Variants in CSMD1 observed in about 807,000 individuals in gnomAD.
The protein encoded by CSMD1 is CUB and sushi domain-containing protein 1.
Under a neutral mutation model 417.5 loss-of-function variants are expected in CSMD1, and 213 were observed. The observed-to-expected ratio is 0.51, with a 90% confidence interval of 0.46 to 0.57. The LOEUF (loss-of-function observed/expected upper bound fraction) is 0.57. Ranked by LOEUF, CSMD1 falls within the 20% of genes least tolerant of loss-of-function variation. The probability of loss-of-function intolerance (pLI) is 0.00; values close to 1 mark genes in which losing one functional copy is unlikely to be tolerated. For missense variants in CSMD1, 6,923 were observed against 4,529.7 expected, an observed-to-expected ratio of 1.53 and a Z score of -15.17; for synonymous variants, 2,862 against 1,736.8, an observed-to-expected ratio of 1.65 and a Z score of -16.11.
At chr8:3,797,975 C>A (rs550221982) in intron 5 of CSMD1, among the ~76,000 whole-genome samples, 3 of 151,892 alleles carry the variant, frequency 2.0e-5, no homozygotes, top group African/African-American at 7.2e-5. Context: ...CATCTCATTG[C>A]GGTTTCAACG....
At chr8:4,089,800 G>C (rs538625754) in intron 3 of CSMD1, among the ~76,000 whole-genome samples, 1 of 152,172 alleles carries the variant, frequency 6.6e-6, no homozygotes, top group African/African-American at 2.4e-5. Flanking sequence ...TCAGTCTACC[G>C]AGTGTGTTTG....
In CSMD1 at chr8:4,377,180, T is replaced by C. The variant is rs562607790; in HGVS notation, c.415+42773A>G. Among the ~76,000 whole-genome samples, 81 of 152,298 alleles carry C rather than the reference T, an allele frequency of 5.3e-4. 1 individual carries two copies. The highest frequency in any genetic ancestry group is 5.2e-3 in the South Asian group (25 of 4,818). ...AACAGTGGGATTATAGTGCATGGAA[T>C]TGATTACACATCTTTTGGAAGGGCT... is the stretch of plus-strand genomic sequence containing the variant. On this transcript the variant is annotated intron_variant, in intron 3 of 69. Coordinates refer to ENST00000635120, the MANE Select transcript of CSMD1 (RefSeq NM_033225.6).
intron 1 of CSMD1, among the ~76,000 whole-genome samples, chr8:4,807,252 G>A (rs1329942897): frequency 1.3e-5 from 2 of 152,136 alleles, no homozygotes; most frequent in Non-Finnish European, 1.5e-5. Flanking sequence ...CCCACAGAAA[G>A]CAAACCTTAT....
intron 17 of CSMD1, among the ~76,000 whole-genome samples, chr8:3,389,613 G>C (rs1253940193): frequency 4.0e-5 from 2 of 49,888 alleles, no homozygotes; most frequent in Non-Finnish European, 7.9e-5. Context: ...GATTATCTTA[G>C]AATAAGTGAG....
chr8:3,552,888 C>A (rs888582337), intron 10 of CSMD1, among the ~76,000 whole-genome samples: 1 of 151,980 alleles, frequency 6.6e-6, no homozygotes, highest in Non-Finnish European at 1.5e-5. Context: ...AAAGTAAATT[C>A]TTCCACTTTC....
chr8:4,687,855 AC>A (rs1806492018), intron 1 of CSMD1, among the ~76,000 whole-genome samples: 3 of 151,920 alleles, frequency 2.0e-5, no homozygotes, highest in Admixed American at 6.6e-5. Flanking sequence ...ACACACACAC[AC>A]ACACACTCAT....
At chr8:3,606,787 C>A (rs868685964) in intron 8 of CSMD1, among the ~76,000 whole-genome samples, 1 of 151,432 alleles carries the variant, frequency 6.6e-6, no homozygotes, top group Admixed American at 6.6e-5. Flanking sequence ...CTCCACTCAG[C>A]GCAACCTCCA....
At chr8:3,989,356 T>A (rs1814573123) in intron 5 of CSMD1, among the ~76,000 whole-genome samples, 1 of 152,300 alleles carries the variant, frequency 6.6e-6, no homozygotes, top group East Asian at 1.9e-4. Flanking sequence ...GCAACTATGC[T>A]TTTATGGCCT....
chr8:3,889,675 G>C (rs570134396), intron 5 of CSMD1, among the ~76,000 whole-genome samples: 45 of 151,446 alleles, frequency 3.0e-4, no homozygotes, highest in African/African-American at 1.1e-3. Context: ...CTGTCTATCT[G>C]CAAAATGAAA....
chr8:3,696,651 C>T (rs114211671), intron 7 of CSMD1, among the ~76,000 whole-genome samples: 24 of 152,240 alleles, frequency 1.6e-4, no homozygotes, highest in African/African-American at 5.5e-4. Flanking sequence ...CCCTGATGCA[C>T]ATTAAAGCTC....
intron 3 of CSMD1, among the ~76,000 whole-genome samples, chr8:4,252,551 C>G (rs1445091264): frequency 6.6e-6 from 1 of 152,170 alleles, no homozygotes; most frequent in Non-Finnish European, 1.5e-5. Flanking sequence ...GAATTTGACC[C>G]TATGACAGAA....
At chr8:4,725,358 T>A (rs1809356630) in intron 1 of CSMD1, among the ~76,000 whole-genome samples, 1 of 152,204 alleles carries the variant, frequency 6.6e-6, no homozygotes, top group South Asian at 2.1e-4. Flanking sequence ...CTAGCAAAAT[T>A]AATTACATAA....
intron 1 of CSMD1, among the ~76,000 whole-genome samples, chr8:4,988,179 T>C (rs968269566): frequency 6.6e-6 from 1 of 152,250 alleles, no homozygotes; most frequent in Non-Finnish European, 1.5e-5. Context: ...ATTATAATGA[T>C]AGCTTTTAAA....
At chr8:4,463,489 G>A (rs548607329) in intron 2 of CSMD1, among the ~76,000 whole-genome samples, 1 of 152,188 alleles carries the variant, frequency 6.6e-6, no homozygotes, top group African/African-American at 2.4e-5. Flanking sequence ...ATTCATAATT[G>A]CAAAAAGTGG....
chr8:3,366,631 G>T (rs886224388), intron 20 of CSMD1, among the ~76,000 whole-genome samples: 1 of 152,058 alleles, frequency 6.6e-6, no homozygotes, highest in African/African-American at 2.4e-5. Context: ...TGCAAATATT[G>T]GCACCTACCG....
chr8:3,696,444 T>C (rs1800558132), intron 7 of CSMD1, among the ~76,000 whole-genome samples: 1 of 152,246 alleles, frequency 6.6e-6, no homozygotes. Context: ...GGACTGCTTC[T>C]GCACATCTCT....
chr8:3,698,131 T>C (rs1408191192), intron 7 of CSMD1, among the ~76,000 whole-genome samples: 13 of 152,206 alleles, frequency 8.5e-5, no homozygotes, highest in Admixed American at 8.5e-4. Flanking sequence ...TAGTTCCCAG[T>C]GATGCTGTTC....
At chr8:4,636,918 G>C (rs887093876) in intron 2 of CSMD1, among the ~76,000 whole-genome samples, 1 of 151,818 alleles carries the variant, frequency 6.6e-6, no homozygotes, top group Non-Finnish European at 1.5e-5. Flanking sequence ...ACCAATCAGC[G>C]CTCTGTAAAA....
intron 7 of CSMD1, among the ~76,000 whole-genome samples, chr8:3,631,369 C>G (rs775184678): frequency 6.6e-6 from 1 of 152,156 alleles, no homozygotes; most frequent in African/African-American, 2.4e-5. Context: ...AAGAAAGCAA[C>G]ACGTGAGGTA....
Sources: allele counts gnomAD v4.1 joint callset (sites outside exome capture counted in the v4.1 genomes callset), GRCh38; gene constraint gnomAD v4.1.1; transcripts MANE v1.5; gene names NCBI Gene and HGNC (gene_info 2026-07-23, HGNC 2026-07-21).